The following CUL4A variants were observed in gnomAD, a reference collection of about 807,000 sequenced individuals.
CUL4A encodes the protein cullin-4A.
In CUL4A, 16 loss-of-function variants were observed where a neutral mutation model predicts 95.5. The observed-to-expected ratio is 0.17, with a 90% CI of 0.11 to 0.25. The LOEUF (loss-of-function observed/expected upper bound fraction) is 0.25, where lower values mean the gene tolerates loss of function less well. Ranked by LOEUF, CUL4A falls within the 10% of genes least tolerant of loss-of-function variation. The pLI, the probability that CUL4A is intolerant of heterozygous loss-of-function variation, is 1.00. For missense variants in CUL4A, 610 were observed against 937.0 expected, an observed-to-expected ratio of 0.65 and a Z score of 4.56; for synonymous variants, 380 against 353.1, an observed-to-expected ratio of 1.08 and a Z score of -0.85.
chr13:113,238,299 T>C (rs2041609431), intron 9 of CUL4A, among the ~76,000 whole-genome samples: 1 of 152,036 alleles, frequency 6.6e-6, no homozygotes, highest in Admixed American at 6.6e-5. Context: ...AATAAAATTT[T>C]TTTTTAAAGC....
intron 10 of CUL4A, among the ~76,000 whole-genome samples, chr13:113,240,115 G>GC (rs1371396118): frequency 6.6e-6 from 1 of 152,242 alleles, no homozygotes; most frequent in African/African-American, 2.4e-5. Context: ...CATGTCCTGT[G>GC]CAGGAGAACG....
intron 18 of CUL4A, among the ~76,000 whole-genome samples, chr13:113,255,687 T>A (rs1209796827): frequency 6.6e-6 from 1 of 152,174 alleles, no homozygotes; most frequent in Non-Finnish European, 1.5e-5. Context: ...ATTGGCTTCT[T>A]TATTTATTAG....
intron 14 of CUL4A, among the ~76,000 whole-genome samples, chr13:113,245,627 T>TAG (rs1458973266): frequency 6.6e-6 from 1 of 152,214 alleles, no homozygotes; most frequent in Non-Finnish European, 1.5e-5. Flanking sequence ...ATAAGGTAGG[T>TAG]AGATTCAATA....
At chr13:113,252,842 G>A (rs1199887627) in intron 15 of CUL4A, among the ~76,000 whole-genome samples, 3 of 152,188 alleles carry the variant, frequency 2.0e-5, no homozygotes, top group Non-Finnish European at 2.9e-5. Flanking sequence ...CAGAGACCAC[G>A]GAATACAGCT....
intron 19 of CUL4A, among the ~76,000 whole-genome samples, chr13:113,262,465 A>G (rs1430876476): frequency 2.6e-5 from 4 of 152,198 alleles, no homozygotes; most frequent in Non-Finnish European, 5.9e-5. Flanking sequence ...AGCCTGGGCA[A>G]CATAGTGAGA....
At position 113,247,117 on chromosome 13, in the gene CUL4A, C is replaced by T. The variant is rs145416399; in HGVS notation, c.1638+1054C>T. Among the ~76,000 whole-genome samples the T allele has an allele frequency of 1.2e-4, 18 of 152,144 alleles. No individual in the cohort carries two copies. In the East Asian group the frequency reaches 3.5e-3, roughly 29 times the overall value. On this transcript the variant is annotated intron_variant, in intron 15 of 19. Transcript: ENST00000375440. The stretch of plus-strand genomic sequence containing the variant: ...CGCAACAGGTGGTGGGGGAAGGTCC[C>T]AGACTCCTTAACAATCAGATCTCGT...
intron 2 of CUL4A, among the ~76,000 whole-genome samples, chr13:113,213,890 T>C (rs962412065): frequency 5.3e-5 from 8 of 152,224 alleles, no homozygotes; most frequent in Admixed American, 4.6e-4. Flanking sequence ...ACAGGTGGGC[T>C]TCTGGCCTCT....
intron 5 of CUL4A, 69 bp downstream of exon 5, chr13:113,229,588 C>G: frequency 7.8e-7 from 1 of 1,289,934 alleles, no homozygotes; most frequent in Non-Finnish European, 1.1e-6. Context: ...TTTGTGTCTT[C>G]CGCAGGCTAA....
intron 3 of CUL4A, among the ~76,000 whole-genome samples, chr13:113,227,643 C>T (rs761191364): frequency 2.0e-5 from 3 of 152,190 alleles, no homozygotes; most frequent in Admixed American, 1.3e-4. Flanking sequence ...CGGTGGCTCA[C>T]GCCTGTAATC....
At chr13:113,251,673 C>T (rs777980765) in intron 15 of CUL4A, among the ~76,000 whole-genome samples, 33 of 152,228 alleles carry the variant, frequency 2.2e-4, no homozygotes, top group Non-Finnish European at 3.4e-4. Flanking sequence ...TCCCTGCTCC[C>T]GTCATGTGAA....
At chr13:113,256,913 C>CTTTTTTTTTCCTTT (rs2042134165) in intron 18 of CUL4A, among the ~76,000 whole-genome samples, 1 of 77,886 alleles carries the variant, frequency 1.3e-5, no homozygotes, top group East Asian at 3.3e-4. Context: ...TGCTTTGTCC[C>CTTTTTTTTTCCTTT]TTTTTTTTTT....
chr13:113,227,133 G>C (rs1480496346), intron 3 of CUL4A, among the ~76,000 whole-genome samples: 1 of 152,210 alleles, frequency 6.6e-6, no homozygotes, highest in East Asian at 1.9e-4. Context: ...GCACAGGCAA[G>C]CTGAGTGCAC....
At chr13:113,235,181 C>T in intron 8 of CUL4A, 36 bp downstream of exon 8, 1 of 1,444,078 alleles carries the variant, frequency 6.9e-7, no homozygotes, top group Non-Finnish European at 9.7e-7. Context: ...TTCGTATCTT[C>T]ACCATGGCTG....
At position 113,248,449 on chromosome 13, in the gene CUL4A, T is replaced by C. The variant is rs180731255; in HGVS notation, c.1638+2386T>C. The stretch of plus-strand genomic sequence containing the variant: ...GAGCCACCCTTAACACTGGTTCCTT[T>C]GCTCTTTGATATGCCTACATCATTT... On this transcript the variant is annotated intron_variant, in intron 15 of 19. Coordinates refer to ENST00000375440, the MANE Select transcript of CUL4A (RefSeq NM_001008895.4). Among the ~76,000 whole-genome samples the C allele has an allele frequency of 3.3e-5, 5 of 152,366 alleles. No homozygotes were observed. In the East Asian group the frequency reaches 9.6e-4, roughly 29 times the overall value.
chr13:113,218,366 G>A (rs1217478344), intron 2 of CUL4A, among the ~76,000 whole-genome samples: 1 of 152,324 alleles, frequency 6.6e-6, no homozygotes, highest in East Asian at 1.9e-4. Flanking sequence ...ATACAGTCTG[G>A]CCTGTGTCAC....
intron 2 of CUL4A, among the ~76,000 whole-genome samples, chr13:113,214,629 A>G (rs1449214802): frequency 1.3e-5 from 2 of 152,170 alleles, no homozygotes; most frequent in African/African-American, 4.8e-5. Flanking sequence ...CTGGGATTCC[A>G]GGCGTGAGCC....
At chr13:113,261,015 G>C (rs934343679) in intron 19 of CUL4A, among the ~76,000 whole-genome samples, 11 of 152,212 alleles carry the variant, frequency 7.2e-5, no homozygotes, top group Non-Finnish European at 1.6e-4. Flanking sequence ...AGGAAGGGAA[G>C]AGGTAGATGG....
intron 5 of CUL4A, among the ~76,000 whole-genome samples, chr13:113,232,306 CTATTA>C: frequency 6.6e-6 from 1 of 151,696 alleles, no homozygotes; most frequent in African/African-American, 2.4e-5. Flanking sequence ...CCGCCCACCA[CTATTA>C]CTGCTGCTGC....
upstream of CUL4A, chr13:113,208,698 C>T (rs1422734615): frequency 6.5e-7 from 1 of 1,547,270 alleles, no homozygotes; most frequent in Non-Finnish European, 8.7e-7. Context: ...GGCGTCACTT[C>T]CGGCCCTCGG....
Sources: allele counts gnomAD v4.1 joint callset (sites outside exome capture counted in the v4.1 genomes callset), GRCh38; gene constraint gnomAD v4.1.1; transcripts MANE v1.5; gene names NCBI Gene and HGNC (gene_info 2026-07-23, HGNC 2026-07-21).